SLC29A1: variants seen among roughly 807,000 people sequenced by gnomAD.
SLC29A1 encodes equilibrative nucleoside transporter 1.
Under a neutral mutation model 48.3 loss-of-function variants are expected in SLC29A1, and 22 were observed. The ratio of observed to expected loss-of-function variants is 0.46; its 90% CI spans 0.33 to 0.65. The LOEUF (loss-of-function observed/expected upper bound fraction) is 0.65, where lower values mean the gene tolerates loss of function less well. SLC29A1 is among the 30% of genes least tolerant of loss of function. The probability of loss-of-function intolerance (pLI) is 0.03; values close to 1 mark genes in which losing one functional copy is unlikely to be tolerated. For synonymous variants in SLC29A1, 228 were observed against 231.0 expected (o/e 0.99, Z 0.12); for missense variants, 491 against 575.3 (o/e 0.85, Z 1.50).
intron 1 of SLC29A1, 138 bp from the exon 2 acceptor site, chr6:44,227,125 G>C: frequency 7.1e-7 from 1 of 1,403,068 alleles, no homozygotes; most frequent in African/African-American, 1.4e-5. Flanking sequence ...GTCGTCCTGA[G>C]GGGCAGGGTG....
chr6:44,229,264 C>A lies in SLC29A1; in HGVS notation c.30-126C>A. ...ATAAGAGGACACATGCAAACGGACA[C>A]AAACACAGACGCCCTGTGCCCTGGG... is the stretch of plus-strand genomic sequence containing the variant. On this transcript the variant is annotated intron_variant, in intron 2 of 12. Coordinates refer to ENST00000371755, the MANE Select transcript of SLC29A1 (RefSeq NM_001372327.1). The surrounding 1 kb of genome is among the most constrained non-coding windows in gnomAD (Gnocchi z 5.1). 1.3e-6 allele frequency: 1 copy of A among 780,578 alleles called. No homozygotes were observed. Among genetic ancestry groups the A allele is most frequent in the Non-Finnish European group, 2.3e-6 (1 of 435,612 alleles). 48.4% of individuals were successfully genotyped at this position (780,578 alleles called of 1,614,324 possible).
rs1038282102 is a variant in SLC29A1, at chr6:44,230,176, G to C, written c.454+130G>C. 4.7e-6 allele frequency: 7 copies of C among 1,480,552 alleles called. No homozygotes were observed. In the Admixed American group the frequency reaches 1.2e-4, roughly 25 times the overall value. 91.7% of individuals were successfully genotyped at this position (1,480,552 alleles called of 1,614,324 possible). A position where few individuals can be genotyped will look rare whatever the true frequency, so the allele number is the denominator to read the frequency against. ...AGGGAGTGGATGCTGTGAGCAGCTG[G>C]GATTCAGAGGCCTGAGTGGGCCTGG... On this transcript the variant is annotated intron_variant, in intron 5 of 12. Transcript: ENST00000371755.
chr6:44,219,727 G>A (rs1349948252), upstream of SLC29A1: 1 of 1,289,096 alleles, frequency 7.8e-7, no homozygotes, highest in Non-Finnish European at 1.0e-6. Flanking sequence ...GGGCCCGCAG[G>A]CCTGGGAATT....
At position 44,223,679 on chromosome 6, in the gene SLC29A1, C is replaced by T. The variant is rs1339465155; in HGVS notation, c.-52+38C>T. 8.7e-7 allele frequency: 1 copy of T among 1,146,418 alleles called. No homozygotes were observed. Among genetic ancestry groups the T allele is most frequent in the Non-Finnish European group, 1.1e-6 (1 of 913,908 alleles). The allele number at this position is 1,146,418 out of a possible 1,614,324, so 71.0% of individuals were successfully genotyped here. A position where few individuals can be genotyped will look rare whatever the true frequency, so the allele number is the denominator to read the frequency against. On this transcript the variant is annotated intron_variant, in intron 1 of 12. Coordinates refer to ENST00000371755, the MANE Select transcript of SLC29A1 (RefSeq NM_001372327.1). The surrounding 1 kb of genome is among the most constrained non-coding windows in gnomAD (Gnocchi z 5.0). ...GCCGGGGACTGGGGACTGGGGACTG[C>T]CGGGGCGGAAGACGCCGCTGCCCGC...
At chr6:44,221,557 C>A, upstream of SLC29A1, 1 of 1,141,642 alleles carries the variant, frequency 8.8e-7, no homozygotes, top group South Asian at 1.3e-5. The surrounding 1 kb of genome is among the most constrained non-coding windows in gnomAD (Gnocchi z 4.2). Context: ...GCAGCAGGAC[C>A]AACCCTTCCC....
upstream of SLC29A1, among the ~76,000 whole-genome samples, chr6:44,220,650 TAAA>T (rs564819806): frequency 8.6e-6 from 1 of 116,286 alleles, no homozygotes. Flanking sequence ...CCGTCTCTAC[TAAA>T]AAAAAAAAAA....
intron 1 of SLC29A1, 156 bp from the exon 2 acceptor site, chr6:44,227,107 C>G: frequency 3.6e-6 from 5 of 1,405,874 alleles, no homozygotes; most frequent in Non-Finnish European, 4.6e-6. Context: ...GGGTGGGGGT[C>G]AAGTTGAGTC....
chr6:44,231,366 G>C lies in SLC29A1; in HGVS notation c.769G>C (p.Glu257Gln). ...TGGAGATTTCTTCCATCCCGCAGGAGAGGAGCCAAGAGCAGGCAAAGAGGA... is the reference window on the plus strand; with the variant it reads ...TGGAGATTTCTTCCATCCCGCAGGACAGGAGCCAAGAGCAGGCAAAGAGGA... ...ETKLDLISKG[E>Q]EPRAGKEESG... The change falls in exon 9 of 13, where the codon GAG (glutamate) becomes CAG (glutamine). Residue 257 changes from glutamate to glutamine, a missense_variant and splice_region_variant. Coordinates refer to ENST00000371755, the MANE Select transcript of SLC29A1 (RefSeq NM_001372327.1). 6.3e-7 allele frequency: 1 copy of C among 1,590,938 alleles called. No individual in the cohort carries two copies.
chr6:44,226,633 C>T, intron 1 of SLC29A1: 1 of 491,112 alleles, frequency 2.0e-6, no homozygotes, highest in Non-Finnish European at 2.6e-6. Flanking sequence ...AGACTGGAAT[C>T]TGGGTTGCCT....
intron 1 of SLC29A1, among the ~76,000 whole-genome samples, chr6:44,225,169 G>A (rs986635093): frequency 2.0e-5 from 3 of 152,134 alleles, no homozygotes; most frequent in African/African-American, 4.8e-5. Flanking sequence ...ATGCGGGTAT[G>A]AAGTAAGAAC....
intron 2 of SLC29A1, among the ~76,000 whole-genome samples, 156 bp downstream of exon 2, chr6:44,227,498 TTGGCTGGGTGC>T (rs1777842743): frequency 6.6e-6 from 1 of 152,094 alleles, no homozygotes; most frequent in Admixed American, 6.5e-5. Context: ...CCCGTGTGCC[TTGGCTGGGTGC>T]TGGCTGGGGT....
chr6:44,221,756 A>G, upstream of SLC29A1: 1 of 718,610 alleles, frequency 1.4e-6, no homozygotes, highest in South Asian at 1.5e-5. This position sits in a 1 kb window ranked among gnomAD's most constrained non-coding sequence, Gnocchi z 4.2. Flanking sequence ...GGAGGTGGCT[A>G]CAGAGGGGTG....
At chr6:44,219,828 G>A, upstream of SLC29A1, 2 of 1,077,482 alleles carry the variant, frequency 1.9e-6, no homozygotes, top group East Asian at 6.0e-5. Flanking sequence ...GGGTGGGGTG[G>A]GGGCGAGGTC....
At position 44,232,060 on chromosome 6, in the gene SLC29A1, C is replaced by T. The variant is rs150516212; in HGVS notation, c.927C>T (p.Ala309=). ...IFTITIGMFP[A]VTVEVKSSIA... ...CTATCACCATTGGGATGTTTCCAGC[C>T]GTGACTGTTGAGGTCAAGTCCAGCA... Residue 309 remains alanine (A), a synonymous_variant, in exon 10 of 13, where the codon GCC becomes GCT. Transcript: ENST00000371755. This position sits in a 1 kb window ranked among gnomAD's most constrained non-coding sequence, Gnocchi z 4.7. The T allele has an allele frequency of 1.1e-5, 17 of 1,613,974 alleles. No individual in the cohort carries two copies. The highest frequency in any genetic ancestry group is 6.6e-5 in the South Asian group (6 of 91,062).
chr6:44,222,114 A>G (rs1430859929), upstream of SLC29A1, among the ~76,000 whole-genome samples: 2 of 152,098 alleles, frequency 1.3e-5, no homozygotes, highest in Non-Finnish European at 2.9e-5. Context: ...GGAGAGGAAG[A>G]GAGAGAGACT....
chr6:44,226,974 C>T, intron 1 of SLC29A1: 1 of 1,150,702 alleles, frequency 8.7e-7, no homozygotes, highest in Non-Finnish European at 1.1e-6. Context: ...CTCCTGTTTC[C>T]CAGCTTATAA....
chr6:44,223,936 G>C lies in SLC29A1; in HGVS notation c.-52+295G>C. 1 of 989,948 alleles carries C rather than the reference G, an allele frequency of 1.0e-6. No individual in the cohort carries two copies. Among genetic ancestry groups the C allele is most frequent in the Non-Finnish European group, 1.2e-6 (1 of 833,028 alleles). 61.3% of individuals were successfully genotyped at this position (989,948 alleles called of 1,614,324 possible). On this transcript the variant is annotated intron_variant, in intron 1 of 12. Coordinates refer to ENST00000371755, the MANE Select transcript of SLC29A1 (RefSeq NM_001372327.1). This position sits in a 1 kb window ranked among gnomAD's most constrained non-coding sequence, Gnocchi z 5.0. ...CTCCGCAAGGGGCAGGCGAGTGGACGGGTGATCCCCATCGATCTGGTCGGT... is the reference window on the plus strand; with the variant it reads ...CTCCGCAAGGGGCAGGCGAGTGGACCGGTGATCCCCATCGATCTGGTCGGT...
intron 1 of SLC29A1, among the ~76,000 whole-genome samples, chr6:44,226,446 G>A (rs944845995): frequency 2.0e-5 from 3 of 151,894 alleles, no homozygotes; most frequent in African/African-American, 7.3e-5. Context: ...GAAGCGGACA[G>A]GAGCCTGTGA....
chr6:44,231,370 A>C lies in SLC29A1; in HGVS notation c.773A>C (p.Glu258Ala). ...GATTTCTTCCATCCCGCAGGAGAGG[A>C]GCCAAGAGCAGGCAAAGAGGAATCT... ...TKLDLISKGE[E>A]PRAGKEESGV... is the part of the protein sequence containing the mutation. Residue 258 changes from glutamate to alanine, a missense_variant, in exon 9 of 13, where the codon GAG (glutamate) becomes GCG (alanine). Transcript: ENST00000371755. 2 of 1,593,892 alleles carry C rather than the reference A, an allele frequency of 1.3e-6. No individual in the cohort carries two copies. Among genetic ancestry groups the C allele is most frequent in the East Asian group, 4.5e-5 (2 of 44,542 alleles).
Sources: gnomAD v4.1 joint callset for allele counts (sites outside exome capture counted in the v4.1 genomes callset) on GRCh38, gnomAD v4.1.1 for gene constraint, Gnocchi (gnomAD v3.1) non-coding constraint, MANE v1.5 for transcripts, NCBI Gene and HGNC (gene_info 2026-07-23, HGNC 2026-07-21) for gene names.